The following MCCC1 variants were observed in gnomAD, a reference collection of about 807,000 sequenced individuals.
MCCC1 encodes methylcrotonyl-CoA carboxylase subunit 1, also known as methylcrotonoyl-CoA carboxylase subunit alpha, mitochondrial.
Under a neutral mutation model 83.8 loss-of-function variants are expected in MCCC1, and 64 were observed. The ratio of observed to expected loss-of-function variants is 0.76; its 90% CI spans 0.62 to 0.94. MCCC1 has a LOEUF of 0.94. MCCC1 is among the 40% of genes least tolerant of loss of function. The pLI is 0.00. For missense variants in MCCC1, 807 were observed against 904.7 expected, an observed-to-expected ratio of 0.89 and a Z score of 1.39; for synonymous variants, 322 against 315.4, an observed-to-expected ratio of 1.02 and a Z score of -0.22.
intron 4 of MCCC1, among the ~76,000 whole-genome samples, chr3:183,085,035 A>T (rs1717788121): frequency 1.3e-5 from 2 of 152,250 alleles, no homozygotes; most frequent in Admixed American, 1.3e-4. Context: ...CAACATCTAC[A>T]TTAAACTCGT....
chr3:183,032,243 T>C lies in MCCC1; in HGVS notation c.1681+1748A>G, dbSNP rs116834798. ...TGCTTTAGTGAAGAGCCATGCCAAATAACACAGTTGGCCTATATGAATTAC... is the reference window on the plus strand; with the variant it reads ...TGCTTTAGTGAAGAGCCATGCCAAACAACACAGTTGGCCTATATGAATTAC... On this transcript the variant is annotated intron_variant, in intron 14 of 18. Coordinates refer to ENST00000265594, the MANE Select transcript of MCCC1 (RefSeq NM_020166.5). Among the ~76,000 whole-genome samples the C allele has an allele frequency of 3.7e-3, 570 of 152,316 alleles. 4 individuals carry two copies. Among genetic ancestry groups the C allele is most frequent in the African/African-American group, 0.013 (540 of 41,572 alleles).
chr3:183,048,107 A>G (rs1045715421), intron 9 of MCCC1, among the ~76,000 whole-genome samples: 2 of 152,210 alleles, frequency 1.3e-5, no homozygotes, highest in African/African-American at 4.8e-5. Flanking sequence ...ATTGAATAAA[A>G]TGGTGTTATG....
intron 7 of MCCC1, among the ~76,000 whole-genome samples, chr3:183,066,378 C>T (rs1441606694): frequency 1.3e-5 from 2 of 152,158 alleles, no homozygotes; most frequent in Non-Finnish European, 2.9e-5. Flanking sequence ...AATCTCAGTT[C>T]ACTGCAACCT....
intron 8 of MCCC1, among the ~76,000 whole-genome samples, chr3:183,055,823 A>C (rs1430178340): frequency 2.0e-5 from 3 of 152,038 alleles, no homozygotes; most frequent in East Asian, 2.0e-4. Context: ...GCTTGAGCCC[A>C]GGAGTTGGAG....
chr3:183,037,579 A>G, intron 12 of MCCC1, 145 bp from the exon 13 acceptor site: 1 of 730,358 alleles, frequency 1.4e-6, no homozygotes, highest in Non-Finnish European at 2.3e-6. Context: ...ATGTGGCAAC[A>G]GGACAATTCT....
At chr3:183,107,860 G>A (rs370451859) in intron 1 of MCCC1, among the ~76,000 whole-genome samples, 12 of 152,078 alleles carry the variant, frequency 7.9e-5, no homozygotes, top group Admixed American at 2.6e-4. Flanking sequence ...TGATTCCTCC[G>A]TTTTTAAAAA....
At chr3:183,092,241 T>A in intron 3 of MCCC1, 168 bp downstream of exon 3, 1 of 751,704 alleles carries the variant, frequency 1.3e-6, no homozygotes, top group Non-Finnish European at 2.2e-6. Flanking sequence ...TTAGTTCAAC[T>A]GATGTTATAT....
chr3:183,109,137 G>A (rs957319764), intron 1 of MCCC1, among the ~76,000 whole-genome samples: 2 of 151,994 alleles, frequency 1.3e-5, no homozygotes, highest in African/African-American at 2.4e-5. Flanking sequence ...GATTACAGGC[G>A]CCGGCCACCA....
chr3:183,042,439 C>T (rs1040049748), intron 10 of MCCC1, among the ~76,000 whole-genome samples: 5 of 152,192 alleles, frequency 3.3e-5, no homozygotes, highest in African/African-American at 7.2e-5. Flanking sequence ...ACACATTGCA[C>T]TTTCTCTCTT....
intron 12 of MCCC1, among the ~76,000 whole-genome samples, chr3:183,038,744 T>C (rs996034697): frequency 2.0e-5 from 3 of 152,238 alleles, no homozygotes; most frequent in African/African-American, 4.8e-5. Context: ...GAAGGTACCA[T>C]GTATAGCTGG....
intron 1 of MCCC1, among the ~76,000 whole-genome samples, chr3:183,105,479 T>G (rs1560295644): frequency 6.6e-6 from 1 of 152,230 alleles, no homozygotes; most frequent in African/African-American, 2.4e-5. Context: ...TGATTATTAT[T>G]TCATCATTTA....
In MCCC1 at chr3:183,022,557, GA is replaced by G; in HGVS notation, c.1732-4del. The G allele has an allele frequency of 1.9e-6, 3 of 1,602,102 alleles. No homozygotes were observed. The highest frequency in any genetic ancestry group is 2.6e-6 in the Non-Finnish European group (3 of 1,171,344). On this transcript the variant is annotated splice_region_variant and splice_polypyrimidine_tract_variant and intron_variant, in intron 15 of 18. Transcript: ENST00000265594. ...ACTTGGAAAGTTTTATCTTCAATCT[GA>G]AAAAAATGAAAAATAAGATTTTTAA... is the stretch of plus-strand genomic sequence containing the variant.
chr3:183,083,735 A>G (rs2108547983), intron 4 of MCCC1, among the ~76,000 whole-genome samples: 1 of 152,350 alleles, frequency 6.6e-6, no homozygotes, highest in Non-Finnish European at 1.5e-5. Context: ...ATTAAAAAGA[A>G]AGTGGATTTT....
At chr3:183,076,342 A>G (rs964482295) in intron 4 of MCCC1, among the ~76,000 whole-genome samples, 6 of 152,172 alleles carry the variant, frequency 3.9e-5, no homozygotes, top group African/African-American at 1.2e-4. Context: ...AGGTTTATTC[A>G]TGTTATGGAG....
At chr3:183,057,068 G>C (rs1281168882) in intron 8 of MCCC1, among the ~76,000 whole-genome samples, 2 of 152,196 alleles carry the variant, frequency 1.3e-5, no homozygotes, top group African/African-American at 4.8e-5. Context: ...AGGTGAATCA[G>C]AGTAGATTTT....
At chr3:183,099,573 C>T, upstream of MCCC1, 1 of 1,070,142 alleles carries the variant, frequency 9.3e-7, no homozygotes, top group South Asian at 1.4e-5. Context: ...TACCTTTGGG[C>T]TGATCCAAGA....
At chr3:183,111,424 C>T (rs1043729870) in intron 1 of MCCC1, among the ~76,000 whole-genome samples, 4 of 152,202 alleles carry the variant, frequency 2.6e-5, no homozygotes, top group South Asian at 4.1e-4. Context: ...CTCAGCCTCC[C>T]GAGTAGCTGG....
At chr3:183,072,301 T>G (rs772891901) in intron 5 of MCCC1, 65 bp downstream of exon 5, 4 of 1,589,008 alleles carry the variant, frequency 2.5e-6, no homozygotes, top group Middle Eastern at 1.8e-4. Context: ...CATAGCCACA[T>G]GCCTGGCCCA....
chr3:183,054,508 T>C (rs889754159), intron 8 of MCCC1, among the ~76,000 whole-genome samples: 30 of 152,134 alleles, frequency 2.0e-4, no homozygotes, highest in Admixed American at 1.6e-3. Context: ...TTTTTGTATG[T>C]CTGCATAATG....
Sources: gnomAD v4.1 joint callset for allele counts (sites outside exome capture counted in the v4.1 genomes callset) on GRCh38, gnomAD v4.1.1 for gene constraint, MANE v1.5 for transcripts, NCBI Gene and HGNC (gene_info 2026-07-23, HGNC 2026-07-21) for gene names.